Variants in PRKDC observed in about 807,000 individuals in gnomAD.
PRKDC encodes the protein protein kinase, DNA-activated, catalytic subunit.
In PRKDC, 82 loss-of-function variants were observed where a neutral mutation model predicts 486.9. That is an observed-to-expected ratio of 0.17 (90% CI 0.14 to 0.20). The LOEUF is 0.20. PRKDC is among the 10% of genes least tolerant of loss of function. PRKDC has a pLI of 1.00. For missense variants in PRKDC, 4,504 were observed against 5,038.2 expected (o/e 0.89, Z 3.21); for synonymous variants, 1,895 against 1,837.0 (o/e 1.03, Z -0.81).
chr8:47,887,028 G>C (rs1323920246), intron 35 of PRKDC, among the ~76,000 whole-genome samples: 1 of 152,128 alleles, frequency 6.6e-6, no homozygotes, highest in African/African-American at 2.4e-5. Context: ...TCGGACAAAG[G>C]GGTGAAAAAG....
chr8:47,880,979 G>A (rs561127546), intron 38 of PRKDC, among the ~76,000 whole-genome samples: 13 of 151,844 alleles, frequency 8.6e-5, no homozygotes, highest in African/African-American at 2.7e-4. Flanking sequence ...CCCAAGAGGC[G>A]GAGGTTGCAG....
In PRKDC at chr8:47,909,433, A is replaced by C. The variant is rs568776903; in HGVS notation, c.2934+2977T>G. Among the ~76,000 whole-genome samples the C allele has an allele frequency of 1.2e-4, 18 of 152,320 alleles. No homozygotes were observed. In the East Asian group the frequency reaches 2.7e-3, roughly 23 times the overall value. On this transcript the variant is annotated intron_variant, in intron 25 of 85. Transcript: ENST00000314191. ...TTAATCCTGTTATCTTCGTAAGCTG[A>C]GAATGTACATCACCTCAGGACCACT...
chr8:47,941,493 C>A (rs2090444751), intron 10 of PRKDC, among the ~76,000 whole-genome samples: 1 of 152,192 alleles, frequency 6.6e-6, no homozygotes, highest in Non-Finnish European at 1.5e-5. Context: ...CCAAGGGAAA[C>A]CCCAAACACA....
chr8:47,845,849 T>C (rs1476547903), intron 54 of PRKDC, among the ~76,000 whole-genome samples: 1 of 152,192 alleles, frequency 6.6e-6, no homozygotes, highest in African/African-American at 2.4e-5. Flanking sequence ...AGCATCATCC[T>C]GATACCAAAA....
At chr8:47,904,402 G>GT (rs1207422189) in intron 26 of PRKDC, among the ~76,000 whole-genome samples, 2 of 152,198 alleles carry the variant, frequency 1.3e-5, no homozygotes, top group Non-Finnish European at 2.9e-5. Flanking sequence ...CTACAGGTGT[G>GT]TAACACCATG....
Position 47,936,947 on chromosome 8 carries a change from A to G in PRKDC, c.1114-430T>C, listed in dbSNP as rs367918918. ...GCCACAAGCTTTTTAATTAAGAAGA[A>G]ATACAGATATAAAATACAGTATCTG... On this transcript the variant is annotated intron_variant, in intron 11 of 85. Transcript: ENST00000314191. 3.9e-3 allele frequency among the ~76,000 whole-genome samples: 593 copies of G among 151,122 alleles called. 4 individuals are homozygous for G. The highest frequency in any genetic ancestry group is 0.024 in the South Asian group (114 of 4,760).
intron 75 of PRKDC, 24 bp from the exon 76 acceptor site, chr8:47,789,073 GA>G: frequency 1.2e-6 from 2 of 1,611,030 alleles, no homozygotes; most frequent in East Asian, 2.2e-5. Flanking sequence ...AAAAAAGTAA[GA>G]AAAAAATCAA....
intron 31 of PRKDC, among the ~76,000 whole-genome samples, chr8:47,892,231 T>A (rs2089476106): frequency 6.6e-6 from 1 of 152,210 alleles, no homozygotes; most frequent in African/African-American, 2.4e-5. Flanking sequence ...AACCGCATAA[T>A]TTTACATTTT....
Position 47,935,034 on chromosome 8 carries a change from C to T in PRKDC, c.1472G>A (p.Cys491Tyr), listed in dbSNP as rs1404079588. 3 of 1,524,056 alleles carry T rather than the reference C, an allele frequency of 2.0e-6. No homozygotes were observed. The Admixed American group carries it at 6.1e-5, about 31-fold the overall frequency. The allele number at this position is 1,524,056 out of a possible 1,614,324, so 94.4% of individuals were successfully genotyped here. The part of the protein sequence containing the change: ...TVVHQGLIRI[C>Y]SKPVVLPKGP... ...CTTTGGAAGGACCACTGGTTTAGAA[C>T]ATATTCTGATTAAACCCTGATGCAC... is the stretch of plus-strand genomic sequence containing the variant. Residue 491 changes from cysteine (C) to tyrosine (Y), a missense_variant, in exon 14 of 86, where the codon TGT becomes TAT. Coordinates refer to ENST00000314191, the MANE Select transcript of PRKDC (RefSeq NM_006904.7).
intron 40 of PRKDC, among the ~76,000 whole-genome samples, chr8:47,865,927 G>A (rs2088798944): frequency 6.6e-6 from 1 of 152,030 alleles, no homozygotes; most frequent in Admixed American, 6.6e-5. Flanking sequence ...AGGCCGAGGC[G>A]GGTGGATCAC....
chr8:47,821,017 T>A (rs1489366569), intron 65 of PRKDC, 74 bp from the exon 66 acceptor site: 1 of 923,656 alleles, frequency 1.1e-6, no homozygotes, highest in African/African-American at 1.7e-5. Flanking sequence ...ATTTCTATTA[T>A]ATTCTTTGCT....
intron 40 of PRKDC, among the ~76,000 whole-genome samples, chr8:47,875,108 A>C (rs2089063326): frequency 6.6e-6 from 1 of 152,230 alleles, no homozygotes; most frequent in African/African-American, 2.4e-5. Flanking sequence ...AAGATTTTTA[A>C]TTATTAATTC....
At chr8:47,932,603 T>C (rs2090276487) in intron 16 of PRKDC, among the ~76,000 whole-genome samples, 1 of 152,176 alleles carries the variant, frequency 6.6e-6, no homozygotes, top group African/African-American at 2.4e-5. Flanking sequence ...TCCTATTATC[T>C]ATATTTTCCT....
intron 38 of PRKDC, among the ~76,000 whole-genome samples, chr8:47,881,043 T>TAA (rs57817228): frequency 1.4e-4 from 13 of 90,484 alleles, no homozygotes; most frequent in Non-Finnish European, 3.1e-4. Flanking sequence ...CGAGACTGTC[T>TAA]AAAAAAAAAA....
At chr8:47,908,105 G>A in intron 25 of PRKDC, among the ~76,000 whole-genome samples, 1 of 152,204 alleles carries the variant, frequency 6.6e-6, no homozygotes, top group Non-Finnish European at 1.5e-5. Context: ...CTCAATCCGA[G>A]CCCAGCTGCA....
chr8:47,921,069 T>C (rs1189894706), intron 21 of PRKDC, among the ~76,000 whole-genome samples: 2 of 152,004 alleles, frequency 1.3e-5, no homozygotes, highest in African/African-American at 2.4e-5. Context: ...CTGGATAACA[T>C]GGTGAAACCC....
intron 67 of PRKDC, among the ~76,000 whole-genome samples, chr8:47,817,978 AG>A (rs1214956878): frequency 5.9e-5 from 9 of 152,332 alleles, no homozygotes; most frequent in African/African-American, 2.2e-4. Flanking sequence ...CTTAAGCTGT[AG>A]AGTTACAGAA....
intron 21 of PRKDC, among the ~76,000 whole-genome samples, chr8:47,920,103 T>C (rs1218770386): frequency 6.6e-6 from 1 of 152,240 alleles, no homozygotes; most frequent in Non-Finnish European, 1.5e-5. Context: ...TTTTAGTTAA[T>C]CTATAATCTA....
At chr8:47,793,668 T>C (rs1223730150) in intron 74 of PRKDC, among the ~76,000 whole-genome samples, 1 of 128,576 alleles carries the variant, frequency 7.8e-6, no homozygotes, top group African/African-American at 3.0e-5. Context: ...TAAAAATAAA[T>C]TAATTTAAAA....
Sources: allele counts gnomAD v4.1 joint callset (sites outside exome capture counted in the v4.1 genomes callset), GRCh38; gene constraint gnomAD v4.1.1; transcripts MANE v1.5; gene names NCBI Gene and HGNC (gene_info 2026-07-23, HGNC 2026-07-21).